DERA: variants seen among roughly 807,000 people sequenced by gnomAD.
DERA encodes the protein 2-deoxy-D-ribose 5-phosphate aldolase.
DERA carries 15 observed loss-of-function variants against 41.1 expected under a neutral mutation model. That is an observed-to-expected ratio of 0.37 (90% CI 0.24 to 0.56). The LOEUF is 0.56. Ranked by LOEUF, DERA falls within the 20% of genes least tolerant of loss-of-function variation. The pLI is 0.81. For missense variants in DERA, 396 were observed against 403.4 expected (o/e 0.98, Z 0.16); for synonymous variants, 139 against 137.4 (o/e 1.01, Z -0.08).
At chr12:16,025,400 G>C (rs1949046646) in intron 6 of DERA, among the ~76,000 whole-genome samples, 1 of 152,034 alleles carries the variant, frequency 6.6e-6, no homozygotes. Context: ...AGTGGGAGTA[G>C]CTATATGAAT....
chr12:15,946,796 T>C (rs1299026990), intron 1 of DERA, among the ~76,000 whole-genome samples: 1 of 152,224 alleles, frequency 6.6e-6, no homozygotes, highest in African/African-American at 2.4e-5. Flanking sequence ...CTTGCTTCTC[T>C]AGTTCTTTTA....
In DERA at chr12:16,021,536, G is replaced by C. The variant is rs547626597; in HGVS notation, c.638-11006G>C. Among the ~76,000 whole-genome samples the C allele has an allele frequency of 6.6e-6, 1 of 152,178 alleles. No homozygotes were observed. Reference sequence around the variant, plus strand: ...GCCCACACAGAGTCTCCACTGCAGCGCTGTCTTAGTGGAATTGTGGGAATG... The same window carrying C: ...GCCCACACAGAGTCTCCACTGCAGCCCTGTCTTAGTGGAATTGTGGGAATG... On this transcript the variant is annotated intron_variant, in intron 6 of 8. Transcript: ENST00000428559. The surrounding 1 kb of genome is among the most constrained non-coding windows in gnomAD (Gnocchi z 5.3).
rs546322920 is a variant in DERA at position 15,935,874 on chromosome 12, A to G, written c.32-21062A>G. 6.6e-6 allele frequency among the ~76,000 whole-genome samples: 1 copy of G among 152,174 alleles called. No individual in the cohort carries two copies. The highest frequency in any genetic ancestry group is 2.4e-5 in the African/African-American group (1 of 41,442). ...GCTTGGGGTCTCTCATGAGGTTGCA[A>G]TCAAGTTATTGGCCCAGGCAGCCAT... On this transcript the variant is annotated intron_variant, in intron 1 of 8. Transcript: ENST00000428559. The surrounding 1 kb of genome is among the most constrained non-coding windows in gnomAD (Gnocchi z 4.8).
In DERA at chr12:15,993,721, T is replaced by C. The variant is rs1948817676; in HGVS notation, c.637+11285T>C. ...TTAACTTGCTGTCTCATCCATGGAA[T>C]AGATTTAAATTCAGGTCCCCAAGCA... On this transcript the variant is annotated intron_variant, in intron 6 of 8. Transcript: ENST00000428559. This position sits in a 1 kb window ranked among gnomAD's most constrained non-coding sequence, Gnocchi z 4.4. 6.6e-6 allele frequency among the ~76,000 whole-genome samples: 1 copy of C among 152,142 alleles called. No homozygotes were observed. Among genetic ancestry groups the C allele is most frequent in the South Asian group, 2.1e-4 (1 of 4,822 alleles).
At chr12:15,934,072 G>T (rs1352860100) in intron 1 of DERA, among the ~76,000 whole-genome samples, 1 of 152,126 alleles carries the variant, frequency 6.6e-6, no homozygotes, top group Non-Finnish European at 1.5e-5. Context: ...GTGCCTGGTG[G>T]AGTTAGTGGT....
At position 15,998,707 on chromosome 12, in the gene DERA, C is replaced by T. The variant is rs1040137890; in HGVS notation, c.637+16271C>T. On this transcript the variant is annotated intron_variant, in intron 6 of 8. Transcript: ENST00000428559. This position sits in a 1 kb window ranked among gnomAD's most constrained non-coding sequence, Gnocchi z 4.8. ...AGGTAGGAAGCACCTTTAGCATAGG[C>T]AGTCCACAGTTAACAAACCAATTGT... Among the ~76,000 whole-genome samples the T allele has an allele frequency of 4.1e-4, 63 of 152,164 alleles. No homozygotes were observed. Among genetic ancestry groups the T allele is most frequent in the Admixed American group, 6.5e-5 (1 of 15,282 alleles).
rs533554187 is a variant in DERA at position 16,012,101 on chromosome 12, T to C, written c.638-20441T>C. ...GCCTTGTCTTGTACACTGCTGTGTA[T>C]GCACTTTATAGAAAAGTACTAGCAT... On this transcript the variant is annotated intron_variant, in intron 6 of 8. Coordinates refer to ENST00000428559, the MANE Select transcript of DERA (RefSeq NM_015954.4). This position sits in a 1 kb window ranked among gnomAD's most constrained non-coding sequence, Gnocchi z 4.1. Among the ~76,000 whole-genome samples the C allele has an allele frequency of 6.6e-6, 1 of 152,366 alleles. No individual in the cohort carries two copies. Among genetic ancestry groups the C allele is most frequent in the East Asian group, 1.9e-4 (1 of 5,192 alleles).
At chr12:15,962,604 A>G (rs181212859) in intron 4 of DERA, 125 of 467,094 alleles carry the variant, frequency 2.7e-4, no homozygotes, top group African/African-American at 2.2e-3. Context: ...TAACACTAAT[A>G]TGAGAGAACA....
rs185541396 is a variant in DERA at position 15,941,463 on chromosome 12, G to C, written c.32-15473G>C. Among the ~76,000 whole-genome samples, 1 of 152,094 alleles carries C rather than the reference G, an allele frequency of 6.6e-6. No individual in the cohort carries two copies. Among genetic ancestry groups the C allele is most frequent in the Non-Finnish European group, 1.5e-5 (1 of 68,012 alleles). On this transcript the variant is annotated intron_variant, in intron 1 of 8. Transcript: ENST00000428559. This position sits in a 1 kb window ranked among gnomAD's most constrained non-coding sequence, Gnocchi z 4.5. ...TTTAGTGGTGATTTCTGAGATTTTA[G>C]TGTACCCATCACCCTAGCAATGTAC...
chr12:15,960,035 T>A, intron 4 of DERA, 111 bp downstream of exon 4: 1 of 720,952 alleles, frequency 1.4e-6, no homozygotes, highest in Non-Finnish European at 2.2e-6. Flanking sequence ...TTTATGTATT[T>A]AATTAGTTGT....
At chr12:15,964,005 A>G (rs141776009) in intron 5 of DERA, among the ~76,000 whole-genome samples, 12 of 152,300 alleles carry the variant, frequency 7.9e-5, no homozygotes, top group African/African-American at 2.9e-4. Context: ...ATTCTCTTAT[A>G]TAAAGTCCAG....
At chr12:16,006,165 A>G (rs1948909231) in intron 6 of DERA, among the ~76,000 whole-genome samples, 2 of 152,200 alleles carry the variant, frequency 1.3e-5, no homozygotes, top group African/African-American at 4.8e-5. Context: ...TAAAAACAAA[A>G]TCCATTGAGC....
At chr12:15,917,166 ATTTTGCCTTTAAG>A (rs940850831) in intron 1 of DERA, among the ~76,000 whole-genome samples, 2 of 152,300 alleles carry the variant, frequency 1.3e-5, no homozygotes, top group African/African-American at 4.8e-5. Context: ...AGGCCTTTAA[ATTTTGCCTTTAAG>A]TTAAAAAAGT....
rs973325581 is a variant in DERA at position 15,984,674 on chromosome 12, A to G, written c.637+2238A>G. Reference sequence around the variant, plus strand: ...GATTTATTGCTTTTTCACTTGTAACATGGCTATTTCCCAAGGCACACACTA... The same window carrying G: ...GATTTATTGCTTTTTCACTTGTAACGTGGCTATTTCCCAAGGCACACACTA... On this transcript the variant is annotated intron_variant, in intron 6 of 8. Transcript: ENST00000428559. This position sits in a 1 kb window ranked among gnomAD's most constrained non-coding sequence, Gnocchi z 4.5. Among the ~76,000 whole-genome samples, 1 of 152,134 alleles carries G rather than the reference A, an allele frequency of 6.6e-6. No homozygotes were observed. Among genetic ancestry groups the G allele is most frequent in the African/African-American group, 2.4e-5 (1 of 41,444 alleles).
intron 6 of DERA, among the ~76,000 whole-genome samples, chr12:16,016,418 A>ATTT (rs1437891462): frequency 2.6e-5 from 4 of 152,200 alleles, no homozygotes; most frequent in Non-Finnish European, 5.9e-5. Context: ...AATATTAAAA[A>ATTT]TTAGAGAAGT....
At position 15,995,988 on chromosome 12, in the gene DERA, G is replaced by A. The variant is rs1948834308; in HGVS notation, c.637+13552G>A. ...TCTGAATCACCTGGAAATTGGGTGC[G>A]CCACATCAGGAGGTAGGAGACGTTC... On this transcript the variant is annotated intron_variant, in intron 6 of 8. Transcript: ENST00000428559. The surrounding 1 kb of genome is among the most constrained non-coding windows in gnomAD (Gnocchi z 5.1). Among the ~76,000 whole-genome samples the A allele has an allele frequency of 6.6e-6, 1 of 152,120 alleles. No individual in the cohort carries two copies. Among genetic ancestry groups the A allele is most frequent in the African/African-American group, 2.4e-5 (1 of 41,414 alleles).
chr12:15,949,666 C>T (rs901511479), intron 1 of DERA, among the ~76,000 whole-genome samples: 11 of 152,174 alleles, frequency 7.2e-5, no homozygotes, highest in African/African-American at 2.7e-4. Flanking sequence ...TGATGCCTCG[C>T]CCTGCTTCGG....
chr12:16,004,032 C>T lies in DERA; in HGVS notation c.637+21596C>T, dbSNP rs1948893452. 6.6e-6 allele frequency among the ~76,000 whole-genome samples: 1 copy of T among 152,126 alleles called. No homozygotes were observed. The highest frequency in any genetic ancestry group is 2.4e-5 in the African/African-American group (1 of 41,410). ...TGCAGTAAGAGTAAAACATGCTTTTCTGGGCTGGCTGGGACTTACTACCAC... is the reference window on the plus strand; with the variant it reads ...TGCAGTAAGAGTAAAACATGCTTTTTTGGGCTGGCTGGGACTTACTACCAC... On this transcript the variant is annotated intron_variant, in intron 6 of 8. Coordinates refer to ENST00000428559, the MANE Select transcript of DERA (RefSeq NM_015954.4). The surrounding 1 kb of genome is among the most constrained non-coding windows in gnomAD (Gnocchi z 4.2).
Position 16,014,401 on chromosome 12 carries a change from C to T in DERA, c.638-18141C>T, listed in dbSNP as rs554189791. On this transcript the variant is annotated intron_variant, in intron 6 of 8. Transcript: ENST00000428559. This position sits in a 1 kb window ranked among gnomAD's most constrained non-coding sequence, Gnocchi z 5.4. Reference sequence around the variant, plus strand: ...AGGACTTGGTGCCCTGCATCCCGGCCGTGGCTAAAAGAAGCCAATGTACAG... The same window carrying T: ...AGGACTTGGTGCCCTGCATCCCGGCTGTGGCTAAAAGAAGCCAATGTACAG... 4.4e-4 allele frequency among the ~76,000 whole-genome samples: 67 copies of T among 152,254 alleles called. 1 individual carries two copies. The highest frequency in any genetic ancestry group is 2.2e-4 in the African/African-American group (9 of 41,554).
Sources: gnomAD v4.1 joint callset for allele counts (sites outside exome capture counted in the v4.1 genomes callset) on GRCh38, gnomAD v4.1.1 for gene constraint, Gnocchi (gnomAD v3.1) non-coding constraint, MANE v1.5 for transcripts, NCBI Gene and HGNC (gene_info 2026-07-23, HGNC 2026-07-21) for gene names.